The following UGT1A8 variants were observed in gnomAD, a reference collection of about 807,000 sequenced individuals.
The protein encoded by UGT1A8 is UDP glucuronosyltransferase family 1 member A8.
A neutral mutation model predicts 45.3 loss-of-function variants in UGT1A8; 39 were observed. The observed-to-expected ratio is 0.86, with a 90% CI of 0.67 to 1.12. The LOEUF (loss-of-function observed/expected upper bound fraction) is 1.12. UGT1A8 is among the 50% of genes most tolerant of loss of function. UGT1A8 has a pLI of 0.00. For missense variants in UGT1A8, 719 were observed against 664.9 expected (o/e 1.08, Z -0.90); for synonymous variants, 275 against 249.2 (o/e 1.10, Z -0.97).
intron 1 of UGT1A8, chr2:233,756,443 C>T (rs1181894650): frequency 6.6e-6 from 1 of 151,696 alleles, no homozygotes; most frequent in Non-Finnish European, 1.5e-5. Flanking sequence ...ATTGTTGTTC[C>T]CCCCAAATAT....
In UGT1A8 at chr2:233,672,591, A is replaced by T. The variant is rs745517861; in HGVS notation, c.855+54029A>T. 8.1e-6 allele frequency: 13 copies of T among 1,613,920 alleles called. No individual in the cohort carries two copies. The South Asian group carries it at 1.3e-4, about 16-fold the overall frequency. ...TCATGCACTTGGAGGAACATTTATT[A>T]TGCCACCGTTTTTTCAAAAATGCCC... On this transcript the variant is annotated intron_variant, in intron 1 of 4. Transcript: ENST00000373450.
intron 1 of UGT1A8, among the ~76,000 whole-genome samples, chr2:233,664,779 G>A (rs1458450036): frequency 1.3e-5 from 2 of 152,110 alleles, no homozygotes. Flanking sequence ...ATTTGGGTGG[G>A]GACAAATATC....
chr2:233,707,574 G>C (rs897653456), intron 1 of UGT1A8, among the ~76,000 whole-genome samples: 6 of 150,032 alleles, frequency 4.0e-5, no homozygotes, highest in African/African-American at 4.9e-5. Flanking sequence ...ATGTTTGAGA[G>C]ATTCATGATG....
chr2:233,763,286 C>G (rs1023575822), intron 1 of UGT1A8, among the ~76,000 whole-genome samples: 3 of 152,120 alleles, frequency 2.0e-5, no homozygotes, highest in Non-Finnish European at 2.9e-5. Context: ...ATCTGAAATT[C>G]CACTTTTTGG....
At chr2:233,619,335 T>C (rs1477307398) in intron 1 of UGT1A8, among the ~76,000 whole-genome samples, 1 of 152,176 alleles carries the variant, frequency 6.6e-6, no homozygotes, top group Non-Finnish European at 1.5e-5. Context: ...TTAAACCAAT[T>C]AATATTGATA....
At chr2:233,693,132 A>T in intron 1 of UGT1A8, 1 of 1,614,182 alleles carries the variant, frequency 6.2e-7, no homozygotes, top group Non-Finnish European at 8.5e-7. Flanking sequence ...CTTAGTATGA[A>T]GGATATAGTT....
chr2:233,617,944 C>G lies in UGT1A8; in HGVS notation c.237C>G (p.Thr79=). The G allele has an allele frequency of 1.2e-6, 2 of 1,614,164 alleles. No individual in the cohort carries two copies. Among genetic ancestry groups the G allele is most frequent in the South Asian group, 1.1e-5 (1 of 91,076 alleles). Residue 79 remains threonine, a synonymous_variant, in exon 1 of 5, where the codon ACC becomes ACG. Coordinates refer to ENST00000373450, the MANE Select transcript of UGT1A8 (RefSeq NM_019076.5). ...ATTGCACAGTGAAGACTTACTCAACCTCATACACTCTGGAGGATCTGGACC... is the reference window on the plus strand; with the variant it reads ...ATTGCACAGTGAAGACTTACTCAACGTCATACACTCTGGAGGATCTGGACC... ...SLNCTVKTYS[T]SYTLEDLDRE...
intron 1 of UGT1A8, among the ~76,000 whole-genome samples, chr2:233,721,052 T>G (rs1374543797): frequency 6.6e-6 from 1 of 151,950 alleles, no homozygotes; most frequent in Non-Finnish European, 1.5e-5. Context: ...CCCTTTTTTG[T>G]CATATTCACT....
chr2:233,753,752 T>C (rs1695297434), intron 1 of UGT1A8: 1 of 152,236 alleles, frequency 6.6e-6, no homozygotes, highest in African/African-American at 2.4e-5. Context: ...TAGGACAGTT[T>C]TGCGTGGCCC....
At chr2:233,672,312 T>A in intron 1 of UGT1A8, 1 of 1,613,218 alleles carries the variant, frequency 6.2e-7, no homozygotes, top group Non-Finnish European at 8.5e-7. Flanking sequence ...ATTGCAGGAG[T>A]TTGTTTAAAG....
rs373074853 is a variant in UGT1A8, at chr2:233,630,013, CT to C, written c.855+11460del. On this transcript the variant is annotated intron_variant, in intron 1 of 4. Transcript: ENST00000373450. The stretch of plus-strand genomic sequence containing the variant: ...AATATTGATAATTTCTTTCTTCTCT[CT>C]TTTTTTTTCAGATCAAGGTGGCTAG... 1.9e-3 allele frequency among the ~76,000 whole-genome samples: 293 copies of C among 151,154 alleles called. 1 individual carries two copies. Among genetic ancestry groups the C allele is most frequent in the African/African-American group, 6.7e-3 (276 of 41,174 alleles).
chr2:233,629,409 C>T (rs1004186317), intron 1 of UGT1A8, among the ~76,000 whole-genome samples: 2 of 152,120 alleles, frequency 1.3e-5, no homozygotes, highest in Non-Finnish European at 2.9e-5. Context: ...CATGGTGGCA[C>T]AACCTTGATT....
At chr2:233,648,050 G>A (rs1471449745) in intron 1 of UGT1A8, 2 of 1,584,050 alleles carry the variant, frequency 1.3e-6, no homozygotes, top group Non-Finnish European at 1.7e-6. Context: ...TCACTGAATT[G>A]CACAGTGAAG....
intron 1 of UGT1A8, among the ~76,000 whole-genome samples, chr2:233,621,419 A>G (rs925953527): frequency 6.6e-6 from 1 of 152,138 alleles, no homozygotes; most frequent in Non-Finnish European, 1.5e-5. Context: ...AGCTCTGCAG[A>G]CCTGGGGATG....
At chr2:233,755,690 C>G (rs58069490) in intron 1 of UGT1A8, 1 of 155,628 alleles carries the variant, frequency 6.4e-6, no homozygotes, top group African/African-American at 2.4e-5. Context: ...TTAGTCTGAC[C>G]GGGGCTGAAG....
At chr2:233,627,679 T>TCCTTCCTTCCTTC (rs1367618999) in intron 1 of UGT1A8, among the ~76,000 whole-genome samples, 1 of 150,352 alleles carries the variant, frequency 6.7e-6, no homozygotes, top group African/African-American at 2.5e-5. Flanking sequence ...CTTCCTTCCT[T>TCCTTCCTTCCTTC]CTTTCTTTCT....
At chr2:233,712,842 C>A in intron 1 of UGT1A8, 1 of 1,510,466 alleles carries the variant, frequency 6.6e-7, no homozygotes, top group Non-Finnish European at 8.9e-7. Flanking sequence ...TATAGATTAA[C>A]GGGTAATAAG....
chr2:233,629,356 G>A (rs1389901831), intron 1 of UGT1A8, among the ~76,000 whole-genome samples: 1 of 152,024 alleles, frequency 6.6e-6, no homozygotes, highest in Non-Finnish European at 1.5e-5. Flanking sequence ...TTTTGCTTGG[G>A]TTGTTTCCAC....
chr2:233,742,825 T>A (rs1692111244), intron 1 of UGT1A8: 1 of 153,966 alleles, frequency 6.5e-6, no homozygotes, highest in South Asian at 2.0e-4. Context: ...TTTGTAGATT[T>A]CACCACTACA....
Sources: gnomAD v4.1 joint callset for allele counts (sites outside exome capture counted in the v4.1 genomes callset) on GRCh38, gnomAD v4.1.1 for gene constraint, MANE v1.5 for transcripts, NCBI Gene and HGNC (gene_info 2026-07-23, HGNC 2026-07-21) for gene names.